Variants in MRPS6 observed in about 807,000 individuals in gnomAD.
MRPS6 encodes mitochondrial ribosomal protein S6, also known as small ribosomal subunit protein bS6m.
MRPS6 carries 6 observed loss-of-function variants against 13.1 expected under a neutral mutation model. That is an observed-to-expected ratio of 0.46 (90% CI 0.25 to 0.91). The LOEUF (loss-of-function observed/expected upper bound fraction) is 0.91. Among genes scored for constraint, MRPS6 ranks in the 40% least tolerant of loss-of-function variants. MRPS6 has a pLI of 0.18. For synonymous variants in MRPS6, 61 were observed against 56.5 expected (o/e 1.08, Z -0.36); for missense variants, 164 against 155.6 (o/e 1.05, Z -0.29).
intron 1 of MRPS6, chr21:34,100,711 G>C: frequency 1.0e-6 from 1 of 1,000,144 alleles, no homozygotes; most frequent in Non-Finnish European, 1.2e-6. Context: ...GCTAAGCAAG[G>C]GGTTAACTCT....
At chr21:34,083,038 C>T (rs1446373359) in intron 1 of MRPS6, among the ~76,000 whole-genome samples, 1 of 152,178 alleles carries the variant, frequency 6.6e-6, no homozygotes, top group Non-Finnish European at 1.5e-5. Context: ...CATTTTTCTG[C>T]TTCTGCCCCA....
chr21:34,091,216 T>G (rs1978668075), intron 1 of MRPS6, among the ~76,000 whole-genome samples: 1 of 151,756 alleles, frequency 6.6e-6, no homozygotes, highest in Non-Finnish European at 1.5e-5. Context: ...CTAAAAGAGG[T>G]GGTTGTTTGG....
intron 1 of MRPS6, chr21:34,099,228 T>G: frequency 1.0e-6 from 1 of 1,000,180 alleles, no homozygotes; most frequent in Non-Finnish European, 1.2e-6. Context: ...GTTTATAATT[T>G]GGGGGCCAAA....
chr21:34,139,569 G>T (rs1436810735), intron 2 of MRPS6, among the ~76,000 whole-genome samples: 2 of 152,094 alleles, frequency 1.3e-5, no homozygotes, highest in Non-Finnish European at 2.9e-5. Flanking sequence ...CATTTCATCT[G>T]AGTTGTTAAA....
intron 1 of MRPS6, among the ~76,000 whole-genome samples, chr21:34,082,268 A>G (rs1425361810): frequency 2.0e-5 from 3 of 152,216 alleles, no homozygotes; most frequent in Non-Finnish European, 4.4e-5. Context: ...CAGCAATGGC[A>G]GGCATATTCA....
chr21:34,110,644 T>G (rs1979659966), intron 1 of MRPS6, among the ~76,000 whole-genome samples: 2 of 152,216 alleles, frequency 1.3e-5, no homozygotes, highest in African/African-American at 4.8e-5. Context: ...TTTTGTAAAT[T>G]TACCTCAAAC....
At chr21:34,142,275 GTTATGTGTGT>G in intron 2 of MRPS6, 123 bp from the exon 3 acceptor site, 1 of 932,118 alleles carries the variant, frequency 1.1e-6, no homozygotes, top group Non-Finnish European at 1.5e-6. Context: ...TTTTGACAAG[GTTATGTGTGT>G]GTATGTGTGT....
In MRPS6 at chr21:34,103,427, T is replaced by C. The variant is rs974268691; in HGVS notation, c.46-21914T>C. 5 of 998,298 alleles carry C rather than the reference T, an allele frequency of 5.0e-6. No individual in the cohort carries two copies. In the African/African-American group the frequency reaches 8.7e-5, roughly 17 times the overall value. The allele number at this position is 998,298 out of a possible 1,614,324, so 61.8% of individuals were successfully genotyped here. ...TGTGTTGTAGCCTAAATGTTGTTTC[T>C]TTTATATCCATTAAAAACTTAAAGT... On this transcript the variant is annotated intron_variant, in intron 1 of 2. Transcript: ENST00000399312.
intron 1 of MRPS6, chr21:34,102,869 A>G (rs1051753187): frequency 1.0e-6 from 1 of 999,894 alleles, no homozygotes; most frequent in Admixed American, 6.2e-5. Flanking sequence ...AATAAGAGGA[A>G]TACATATTAC....
chr21:34,125,452 G>T lies in MRPS6; in HGVS notation c.157G>T (p.Ala53Ser), dbSNP rs148446667. The change falls in exon 2 of 3, where the codon GCC becomes TCC. Residue 53 changes from alanine (A) to serine (S), a missense_variant. Coordinates refer to ENST00000399312, the MANE Select transcript of MRPS6 (RefSeq NM_032476.4). Reference sequence around the variant, plus strand: ...ACGAGCGCTTCCTTATAGGATCTCTGCCCACAGTCAGCAGCACAACAGAGG... The same window carrying T: ...ACGAGCGCTTCCTTATAGGATCTCTTCCCACAGTCAGCAGCACAACAGAGG... ...GERALPYRIS[A>S]HSQQHNRGGY... is the part of the protein sequence containing the mutation. 5 of 1,614,002 alleles carry T rather than the reference G, an allele frequency of 3.1e-6. No individual in the cohort carries two copies. The highest frequency in any genetic ancestry group is 2.5e-6 in the Non-Finnish European group (3 of 1,179,926).
chr21:34,075,460 T>C (rs1477688173), intron 1 of MRPS6, among the ~76,000 whole-genome samples: 2 of 152,222 alleles, frequency 1.3e-5, no homozygotes, highest in Non-Finnish European at 2.9e-5. Flanking sequence ...CACCCATTTT[T>C]CACTCTAGTT....
intron 2 of MRPS6, among the ~76,000 whole-genome samples, chr21:34,134,603 A>G (rs1980621575): frequency 6.6e-6 from 1 of 152,216 alleles, no homozygotes; most frequent in Non-Finnish European, 1.5e-5. Context: ...TCAAGATAAT[A>G]AACATATTTG....
chr21:34,130,309 G>T (rs1390234999), intron 2 of MRPS6, among the ~76,000 whole-genome samples: 1 of 152,200 alleles, frequency 6.6e-6, no homozygotes, highest in African/African-American at 2.4e-5. Flanking sequence ...ACATTTAAGG[G>T]CACTGTCAGA....
chr21:34,088,912 A>G (rs1055764831), intron 1 of MRPS6, among the ~76,000 whole-genome samples: 1 of 151,390 alleles, frequency 6.6e-6, no homozygotes, highest in Non-Finnish European at 1.5e-5. Context: ...TAACTCACTT[A>G]TCTTTGATAA....
chr21:34,134,797 C>T (rs1223238028), intron 2 of MRPS6, among the ~76,000 whole-genome samples: 1 of 152,090 alleles, frequency 6.6e-6, no homozygotes. Flanking sequence ...TTTTCACTCT[C>T]AGTAAAGTAT....
chr21:34,133,169 T>A (rs146012919), intron 2 of MRPS6, among the ~76,000 whole-genome samples: 2 of 152,370 alleles, frequency 1.3e-5, no homozygotes, highest in African/African-American at 4.8e-5. Context: ...CTTTGAAAAT[T>A]AGAGTCTTAT....
intron 2 of MRPS6, among the ~76,000 whole-genome samples, chr21:34,135,011 T>C (rs1385083842): frequency 6.6e-6 from 1 of 152,238 alleles, no homozygotes; most frequent in Non-Finnish European, 1.5e-5. Flanking sequence ...GGAACATCTT[T>C]TTTTTTAGAC....
At chr21:34,093,389 A>G (rs1423170229) in intron 1 of MRPS6, among the ~76,000 whole-genome samples, 1 of 152,136 alleles carries the variant, frequency 6.6e-6, no homozygotes, top group Admixed American at 6.5e-5. Context: ...AGACATTTCT[A>G]TCCAGGCAGT....
At chr21:34,141,328 C>T (rs1980899918) in intron 2 of MRPS6, among the ~76,000 whole-genome samples, 1 of 152,076 alleles carries the variant, frequency 6.6e-6, no homozygotes, top group African/African-American at 2.4e-5. Context: ...TGAGTGAGGG[C>T]AATGGAGAGT....
Sources: allele counts gnomAD v4.1 joint callset (sites outside exome capture counted in the v4.1 genomes callset), GRCh38; gene constraint gnomAD v4.1.1; transcripts MANE v1.5; gene names NCBI Gene and HGNC (gene_info 2026-07-23, HGNC 2026-07-21).